Variants in KLHL7 observed in about 807,000 individuals in gnomAD.
KLHL7 encodes the protein kelch like family member 7, also known as kelch-like protein 7.
A neutral mutation model predicts 67.4 loss-of-function variants in KLHL7; 44 were observed. That is an observed-to-expected ratio of 0.65 (90% CI 0.51 to 0.84). The LOEUF is 0.84. Among genes scored for constraint, KLHL7 ranks in the 40% least tolerant of loss-of-function variants. The pLI is 0.00. For missense variants in KLHL7, 362 were observed against 718.1 expected (o/e 0.50, Z 5.67); for synonymous variants, 252 against 243.3 (o/e 1.04, Z -0.33).
chr7:23,157,568 G>A (rs1227790444), intron 7 of KLHL7, among the ~76,000 whole-genome samples: 1 of 150,496 alleles, frequency 6.6e-6, no homozygotes, highest in East Asian at 2.0e-4. Context: ...TAAGTTCTCA[G>A]TTATATGCTC....
intron 4 of KLHL7, among the ~76,000 whole-genome samples, chr7:23,138,777 A>AT (rs1562570034): frequency 6.6e-6 from 1 of 151,996 alleles, no homozygotes; most frequent in Non-Finnish European, 1.5e-5. Flanking sequence ...ACCTCAAGTG[A>AT]TCCCCACCTA....
In KLHL7 at chr7:23,141,609, A is replaced by AATTC. The variant is rs569612091; in HGVS notation, c.618+689_618+692dup. On this transcript the variant is annotated intron_variant, in intron 5 of 10. Coordinates refer to ENST00000339077, the MANE Select transcript of KLHL7 (RefSeq NM_001031710.3). ...AGCTGGGTGGGAGAACACTTTATTTAATTCATTCATTCATTCATTCATTCA... is the reference window on the plus strand; with the variant it reads ...AGCTGGGTGGGAGAACACTTTATTTAATTCATTCATTCATTCATTCATTCATTCA... Among the ~76,000 whole-genome samples the AATTC allele has an allele frequency of 5.5e-3, 844 of 152,216 alleles. 2 individuals are homozygous for AATTC. The highest frequency in any genetic ancestry group is 8.4e-3 in the Non-Finnish European group (569 of 67,994).
At position 23,157,339 on chromosome 7, in the gene KLHL7, G is replaced by A. The variant is rs115870281; in HGVS notation, c.936+5130G>A. ...TCATCCCAGATGAGGTGGACCTCTA[G>A]CTGCAGGCCCCAGCAGCTGACATTG... On this transcript the variant is annotated intron_variant, in intron 7 of 10. Transcript: ENST00000339077. Among the ~76,000 whole-genome samples the A allele has an allele frequency of 5.7e-3, 864 of 152,332 alleles. 3 individuals are homozygous for A. The highest frequency in any genetic ancestry group is 0.02 in the African/African-American group (829 of 41,590).
rs895981894 is a variant in KLHL7, at chr7:23,111,820, C to CAAAAAAA, written c.120+5694_120+5700dup. Among the ~76,000 whole-genome samples the CAAAAAAA allele has an allele frequency of 1.0e-3, 24 of 23,240 alleles. 2 individuals are homozygous for CAAAAAAA. The highest frequency in any genetic ancestry group is 2.6e-3 in the African/African-American group (21 of 8,024). The allele number at this position is 23,240 out of a possible 152,430, so 15.2% of individuals were successfully genotyped here. The stretch of plus-strand genomic sequence containing the variant: ...CTGGAGACAGAGTGAGACTCCGTCT[C>CAAAAAAA]AAAAAAAAAAAAAAAAAAAAAAAAA... On this transcript the variant is annotated intron_variant, in intron 1 of 10. Coordinates refer to ENST00000339077, the MANE Select transcript of KLHL7 (RefSeq NM_001031710.3).
chr7:23,117,720 A>G, intron 1 of KLHL7: 1 of 984,720 alleles, frequency 1.0e-6, no homozygotes, highest in African/African-American at 1.6e-5. Flanking sequence ...AAGTCTTTTT[A>G]ATGTTTCTTA....
At position 23,152,077 on chromosome 7, in the gene KLHL7, G is replaced by A. The variant is rs200256601; in HGVS notation, c.804G>A (p.Arg268=). ...TGTATTTTACTACAGGTGGAATGAG[G>A]TACCATCTACTGTCTCCAGAGGACC... ...ECLKMVISGM[R]YHLLSPEDRE... Residue 268 remains arginine, a synonymous_variant, in exon 7 of 11, where the codon AGG becomes AGA. Coordinates refer to ENST00000339077, the MANE Select transcript of KLHL7 (RefSeq NM_001031710.3). The A allele has an allele frequency of 2.2e-5, 35 of 1,613,872 alleles. No individual in the cohort carries two copies. In the Admixed American group the frequency reaches 3.8e-4, roughly 18 times the overall value.
At chr7:23,156,056 T>C (rs1384213973) in intron 7 of KLHL7, 2 of 463,834 alleles carry the variant, frequency 4.3e-6, no homozygotes, top group East Asian at 1.4e-4. Flanking sequence ...GAATTCTCAT[T>C]TGTTGTCTTG....
At chr7:23,144,266 T>A (rs1034096229) in intron 6 of KLHL7, among the ~76,000 whole-genome samples, 1 of 152,244 alleles carries the variant, frequency 6.6e-6, no homozygotes, top group Non-Finnish European at 1.5e-5. Context: ...CCTATTCTTG[T>A]ATACAATAAC....
chr7:23,140,687 C>G (rs770432799), intron 4 of KLHL7, 82 bp from the exon 5 acceptor site: 10 of 1,156,992 alleles, frequency 8.6e-6, no homozygotes, highest in Non-Finnish European at 1.1e-5. Context: ...ACTAATTTTC[C>G]TGAAGTCATG....
At position 23,176,125 on chromosome 7, in the gene KLHL7, T is replaced by C. The variant is rs1439302775; in HGVS notation, c.*1827T>C. ...CCAACGCCCCTGTATTTCCTAGGGC[T>C]ACCATAACAAACTACTGCAAACTTG... is the stretch of plus-strand genomic sequence containing the variant. On this transcript the variant is annotated 3_prime_UTR_variant, in exon 11 of 11. Transcript: ENST00000339077. 1 of 152,194 alleles carries C rather than the reference T, an allele frequency of 6.6e-6. No individual in the cohort carries two copies. The highest frequency in any genetic ancestry group is 2.4e-5 in the African/African-American group (1 of 41,436). 9.4% of individuals were successfully genotyped at this position (152,194 alleles called of 1,614,324 possible).
intron 4 of KLHL7, among the ~76,000 whole-genome samples, chr7:23,138,167 C>T (rs1225053688): frequency 1.3e-5 from 2 of 150,260 alleles, no homozygotes; most frequent in African/African-American, 4.9e-5. Context: ...CAGACTGAGA[C>T]TCCGTCTCAA....
In KLHL7 at chr7:23,139,766, T is replaced by G. The variant is rs143569551; in HGVS notation, c.443-1003T>G. On this transcript the variant is annotated intron_variant, in intron 4 of 10. Coordinates refer to ENST00000339077, the MANE Select transcript of KLHL7 (RefSeq NM_001031710.3). ...CACTTGATCACATACAAAAATAATT[T>G]GTAGTTTTATATAGAAGAGGGAGCA... 4.6e-5 allele frequency among the ~76,000 whole-genome samples: 7 copies of G among 152,348 alleles called. No individual in the cohort carries two copies. The East Asian group carries it at 1.3e-3, about 29-fold the overall frequency.
Position 23,152,128 on chromosome 7 carries a change from A to G in KLHL7, c.855A>G (p.Arg285=). The G allele has an allele frequency of 6.2e-7, 1 of 1,613,882 alleles. No individual in the cohort carries two copies. Among genetic ancestry groups the G allele is most frequent in the Non-Finnish European group, 8.5e-7 (1 of 1,179,776 alleles). ...EDREELVDGT[R]PRRKKHDYRI... is the part of the protein sequence containing the mutation. ...GAGAAGAACTTGTAGATGGCACAAG[A>G]CCTAGAAGAAAGAAACATGACTACC... Residue 285 remains arginine (R), a synonymous_variant, in exon 7 of 11, where the codon AGA becomes AGG. Transcript: ENST00000339077.
At chr7:23,113,132 TA>T (rs11311465) in intron 1 of KLHL7, among the ~76,000 whole-genome samples, 64,045 of 146,888 alleles carry the variant, frequency 0.44, 14,901 homozygotes, top group African/African-American at 0.63. Flanking sequence ...CTCTTTTCTC[TA>T]AAAAAAAAAA....
chr7:23,113,132 TAA>T (rs11311465), intron 1 of KLHL7, among the ~76,000 whole-genome samples: 23 of 147,188 alleles, frequency 1.6e-4, no homozygotes, highest in African/African-American at 4.9e-4. Context: ...CTCTTTTCTC[TAA>T]AAAAAAAAAA....
rs756518342 is a variant in KLHL7, at chr7:23,143,831, G to T, written c.619-20G>T. ...GTTGCTGTCTTCTAAGAACTTTACT[G>T]TGCTGTTTTTCCCCCTTAGGTTTAT... On this transcript the variant is annotated intron_variant, in intron 5 of 10. Transcript: ENST00000339077. 2.0e-5 allele frequency: 32 copies of T among 1,613,038 alleles called. No individual in the cohort carries two copies. Among genetic ancestry groups the T allele is most frequent in the Non-Finnish European group, 2.5e-5 (29 of 1,179,070 alleles).
chr7:23,151,152 G>GTT (rs10653794), intron 6 of KLHL7, among the ~76,000 whole-genome samples: 6 of 77,676 alleles, frequency 7.7e-5, no homozygotes, highest in African/African-American at 3.5e-4. Context: ...TTCTGGGCCT[G>GTT]TTTTGTTTTT....
At chr7:23,129,273 C>G (rs979081561) in intron 4 of KLHL7, 4 of 254,092 alleles carry the variant, frequency 1.6e-5, no homozygotes, top group African/African-American at 9.4e-5. Flanking sequence ...CCAAACACTT[C>G]AAGCTGAGGC....
At chr7:23,118,121 C>T (rs1221971072) in intron 1 of KLHL7, among the ~76,000 whole-genome samples, 1 of 152,190 alleles carries the variant, frequency 6.6e-6, no homozygotes, top group South Asian at 2.1e-4. Flanking sequence ...TTTTGTAATC[C>T]TGTCGAGTAA....
Sources: allele counts gnomAD v4.1 joint callset (sites outside exome capture counted in the v4.1 genomes callset), GRCh38; gene constraint gnomAD v4.1.1; transcripts MANE v1.5; gene names NCBI Gene and HGNC (gene_info 2026-07-23, HGNC 2026-07-21).